The following CNOT10 variants were observed in gnomAD, a reference collection of about 807,000 sequenced individuals.
CNOT10 encodes CCR4-NOT transcription complex, subunit 10.
In CNOT10, 30 loss-of-function variants were observed where a neutral mutation model predicts 94.6. The ratio of observed to expected loss-of-function variants is 0.32; its 90% CI spans 0.24 to 0.43. The LOEUF (loss-of-function observed/expected upper bound fraction) is 0.43. Ranked by LOEUF, CNOT10 falls within the 20% of genes least tolerant of loss-of-function variation. The pLI, the probability that CNOT10 is intolerant of heterozygous loss-of-function variation, is 1.00. For synonymous variants in CNOT10, 289 were observed against 301.6 expected (o/e 0.96, Z 0.43); for missense variants, 759 against 877.2 (o/e 0.87, Z 1.70).
intron 3 of CNOT10, 36 bp from the exon 4 acceptor site, chr3:32,708,634 A>C: frequency 1.3e-6 from 2 of 1,559,906 alleles, no homozygotes; most frequent in South Asian, 2.4e-5. Flanking sequence ...TTATTTCCTT[A>C]ATGTTAAAAT....
chr3:32,692,607 A>G (rs1311877111), intron 1 of CNOT10, among the ~76,000 whole-genome samples: 1 of 152,190 alleles, frequency 6.6e-6, no homozygotes, highest in African/African-American at 2.4e-5. Context: ...AGTTAGAGGT[A>G]ATTTATGGAG....
intron 13 of CNOT10, among the ~76,000 whole-genome samples, chr3:32,744,736 T>C (rs1699619932): frequency 6.6e-6 from 1 of 152,142 alleles, no homozygotes; most frequent in East Asian, 1.9e-4. Flanking sequence ...TATATAGTCA[T>C]CCTTTGGTAT....
intron 13 of CNOT10, among the ~76,000 whole-genome samples, chr3:32,738,508 G>T (rs1295329249): frequency 6.6e-6 from 1 of 150,590 alleles, no homozygotes; most frequent in Non-Finnish European, 1.5e-5. Flanking sequence ...TGTCTCCCAG[G>T]CTGGAGTGCA....
intron 9 of CNOT10, among the ~76,000 whole-genome samples, chr3:32,726,145 A>T (rs1230965237): frequency 6.6e-6 from 1 of 152,138 alleles, no homozygotes; most frequent in East Asian, 1.9e-4. Context: ...GGGTTTCACC[A>T]TGTTGCCCAG....
At chr3:32,729,216 C>G (rs1257991672) in intron 10 of CNOT10, among the ~76,000 whole-genome samples, 1 of 152,222 alleles carries the variant, frequency 6.6e-6, no homozygotes, top group African/African-American at 2.4e-5. Flanking sequence ...CAGGCTGTTT[C>G]TCTCTGACAC....
At chr3:32,721,834 A>G (rs1698430084) in intron 8 of CNOT10, among the ~76,000 whole-genome samples, 1 of 147,774 alleles carries the variant, frequency 6.8e-6, no homozygotes, top group Admixed American at 6.7e-5. Flanking sequence ...TTTTTTTTTT[A>G]GTAGAGACAG....
intron 13 of CNOT10, among the ~76,000 whole-genome samples, chr3:32,741,717 C>T (rs1333153159): frequency 4.0e-5 from 6 of 149,144 alleles, no homozygotes; most frequent in East Asian, 4.0e-4. Flanking sequence ...TGTGGTGAGC[C>T]GAAATCGTGC....
intron 6 of CNOT10, among the ~76,000 whole-genome samples, chr3:32,716,805 C>T (rs1698145486): frequency 6.6e-6 from 1 of 152,100 alleles, no homozygotes; most frequent in African/African-American, 2.4e-5. Context: ...CGCATCACCA[C>T]ACCCGGATAA....
At position 32,733,445 on chromosome 3, in the gene CNOT10, G is replaced by T. The variant is rs777385189; in HGVS notation, c.1238G>T (p.Gly413Val). The T allele has an allele frequency of 3.8e-6, 6 of 1,592,958 alleles. No homozygotes were observed. The East Asian group carries it at 6.8e-5, about 18-fold the overall frequency. The change falls in exon 11 of 19, where the codon GGC becomes GTC. Residue 413 changes from glycine to valine, a missense_variant. Physicochemically the swap from Gly to Val is moderately radical, Grantham distance 109. Coordinates refer to ENST00000328834, the MANE Select transcript of CNOT10 (RefSeq NM_015442.3). ...NKGTSEQETKGLPSKKGIVQS... is the reference protein window; with the variant it reads ...NKGTSEQETKVLPSKKGIVQS... ...TAGACTTCTGAACAAGAAACTAAAG[G>T]CCTTCCCAGCAAAAAAGGAATTGTA...
chr3:32,701,708 C>T (rs1169523765), intron 1 of CNOT10, among the ~76,000 whole-genome samples: 3 of 152,178 alleles, frequency 2.0e-5, no homozygotes, highest in Non-Finnish European at 2.9e-5. Context: ...CTGAGAACTC[C>T]CTATATGTGC....
Position 32,734,857 on chromosome 3 carries a change from C to T in CNOT10, c.1395C>T (p.Leu465=), listed in dbSNP as rs1699110066. ...GTATGGAGTTTGCAGCCATATGTCTCAGAAATGCCTTGTTGCTGCTACCTG... is the reference window on the plus strand; with the variant it reads ...GTATGGAGTTTGCAGCCATATGTCTTAGAAATGCCTTGTTGCTGCTACCTG... The part of the protein sequence containing the change: ...VASMEFAAIC[L]RNALLLLPEE... The change falls in exon 12 of 19, where the codon CTC becomes CTT. Residue 465 remains leucine, a synonymous_variant. Transcript: ENST00000328834. 6.2e-7 allele frequency: 1 copy of T among 1,613,956 alleles called. No homozygotes were observed. Among genetic ancestry groups the T allele is most frequent in the South Asian group, 1.1e-5 (1 of 91,082 alleles).
intron 18 of CNOT10, among the ~76,000 whole-genome samples, chr3:32,771,793 C>A (rs12497809): frequency 0.11 from 17,373 of 152,148 alleles, 1,283 homozygotes; most frequent in East Asian, 0.28. Context: ...TATTAATTAA[C>A]CTTTCTCCTA....
chr3:32,721,429 C>CTTTTTTTTTTTTTTTTTTTTTTT (rs58351356), intron 8 of CNOT10, among the ~76,000 whole-genome samples: 1 of 72,596 alleles, frequency 1.4e-5, no homozygotes, highest in Non-Finnish European at 2.4e-5. Context: ...TTTCTTTCAT[C>CTTTTTTTTTTTTTTTTTTTTTTT]TTTTTTTTTT....
chr3:32,708,567 A>T (rs1438202324), intron 3 of CNOT10, 103 bp from the exon 4 acceptor site: 1 of 942,362 alleles, frequency 1.1e-6, no homozygotes, highest in Non-Finnish European at 1.6e-6. Context: ...AAAATTCAGA[A>T]TAAGAATGTT....
intron 17 of CNOT10, among the ~76,000 whole-genome samples, chr3:32,768,021 G>A (rs1055281638): frequency 6.6e-6 from 1 of 152,096 alleles, no homozygotes; most frequent in Non-Finnish European, 1.5e-5. Context: ...TCCAATGGCT[G>A]GACCTTTGTT....
At chr3:32,705,005 A>G in intron 3 of CNOT10, 33 bp downstream of exon 3, 2 of 1,369,800 alleles carry the variant, frequency 1.5e-6, no homozygotes, top group Non-Finnish European at 2.0e-6. Flanking sequence ...TATAAAAAAT[A>G]TTGTTCTGTT....
intron 1 of CNOT10, among the ~76,000 whole-genome samples, chr3:32,690,428 A>G (rs1409963531): frequency 6.6e-6 from 1 of 152,138 alleles, no homozygotes; most frequent in Admixed American, 6.6e-5. Context: ...TCTTTCACCC[A>G]TGTTGGTGTG....
chr3:32,757,624 A>G (rs1410292034), intron 13 of CNOT10, among the ~76,000 whole-genome samples: 1 of 152,244 alleles, frequency 6.6e-6, no homozygotes, highest in African/African-American at 2.4e-5. Context: ...AAAAATACAA[A>G]TAAGCCAAAA....
chr3:32,754,489 A>AATATATATATATATAT (rs1553637888), intron 13 of CNOT10, among the ~76,000 whole-genome samples: 1 of 70,212 alleles, frequency 1.4e-5, no homozygotes, highest in African/African-American at 7.7e-5. Context: ...AAAAAAAAAA[A>AATATATATATATATAT]ATACATATAT....
Sources: allele counts gnomAD v4.1 joint callset (sites outside exome capture counted in the v4.1 genomes callset), GRCh38; gene constraint gnomAD v4.1.1; transcripts MANE v1.5; gene names NCBI Gene and HGNC (gene_info 2026-07-23, HGNC 2026-07-21).